Variants in KIAA1549L observed in about 807,000 individuals in gnomAD.
KIAA1549L encodes the protein UPF0606 protein KIAA1549L.
In KIAA1549L, 88 loss-of-function variants were observed where a neutral mutation model predicts 160.7. The ratio of observed to expected loss-of-function variants is 0.55; its 90% CI spans 0.46 to 0.65. The LOEUF is 0.65. KIAA1549L is among the 30% of genes least tolerant of loss of function. KIAA1549L has a pLI of 0.00. For synonymous variants in KIAA1549L, 950 were observed against 976.7 expected, an observed-to-expected ratio of 0.97 and a Z score of 0.51; for missense variants, 2,258 against 2,437.5, an observed-to-expected ratio of 0.93 and a Z score of 1.55.
chr11:33,607,350 A>G (rs1365644819), intron 14 of KIAA1549L, among the ~76,000 whole-genome samples: 1 of 152,348 alleles, frequency 6.6e-6, no homozygotes, highest in East Asian at 1.9e-4. Context: ...TCATGATGTT[A>G]GTCAACTTTC....
chr11:33,475,214 G>T (rs1380825039), intron 1 of KIAA1549L, among the ~76,000 whole-genome samples: 1 of 152,132 alleles, frequency 6.6e-6, no homozygotes. Context: ...AGAAGCTGGA[G>T]GTAGTTTTGC....
chr11:33,537,623 T>C (rs957984702), intron 1 of KIAA1549L, among the ~76,000 whole-genome samples: 1 of 152,234 alleles, frequency 6.6e-6, no homozygotes, highest in Admixed American at 6.5e-5. Flanking sequence ...AATCTCTCTC[T>C]TTATACCTTC....
At chr11:33,387,602 G>T (rs1001062939) in intron 1 of KIAA1549L, among the ~76,000 whole-genome samples, 2 of 151,696 alleles carry the variant, frequency 1.3e-5, no homozygotes, top group African/African-American at 4.9e-5. Flanking sequence ...TATCATTCCT[G>T]GCCCATTTTC....
intron 16 of KIAA1549L, among the ~76,000 whole-genome samples, chr11:33,622,974 G>T (rs1314897531): frequency 6.6e-6 from 1 of 152,202 alleles, no homozygotes; most frequent in Non-Finnish European, 1.5e-5. Flanking sequence ...GGAGATGAAG[G>T]AATTGAAACG....
intron 16 of KIAA1549L, among the ~76,000 whole-genome samples, chr11:33,639,046 C>G (rs542265822): frequency 1.3e-5 from 2 of 152,242 alleles, no homozygotes; most frequent in African/African-American, 4.8e-5. Flanking sequence ...TGGTTGGTAG[C>G]TTGTCTTTCC....
intron 1 of KIAA1549L, among the ~76,000 whole-genome samples, chr11:33,477,130 T>C (rs1852302847): frequency 6.6e-6 from 1 of 152,148 alleles, no homozygotes; most frequent in African/African-American, 2.4e-5. Context: ...AAGAAGGTTG[T>C]TATTCAGTAG....
chr11:33,545,153 A>C lies in KIAA1549L; in HGVS notation c.3160A>C (p.Asn1054His). The C allele has an allele frequency of 6.2e-7, 1 of 1,613,892 alleles. No homozygotes were observed. The highest frequency in any genetic ancestry group is 8.5e-7 in the Non-Finnish European group (1 of 1,179,872). Reference sequence around the variant, plus strand: ...ACAAGCCATGCACACCGGCCTCCCAAACCCCACCAACCTGGAGATGCCCAG... The same window carrying C: ...ACAAGCCATGCACACCGGCCTCCCACACCCCACCAACCTGGAGATGCCCAG... ...KPQAMHTGLP[N>H]PTNLEMPRAS... The change falls in exon 3 of 21, where the codon AAC becomes CAC. Residue 1054 changes from asparagine (N) to histidine (H), a missense_variant. Physicochemically the swap from Asn to His is moderately conservative, Grantham distance 68. Transcript: ENST00000658780.
chr11:33,636,147 C>T lies in KIAA1549L; in HGVS notation c.5410-9539C>T, dbSNP rs999378733. On this transcript the variant is annotated intron_variant, in intron 16 of 20. Transcript: ENST00000658780. ...CAGTGGTTATTCAGACAACCACTGTCGCAGCATGCCAGTGCTTGTGTTCAG... is the reference window on the plus strand; with the variant it reads ...CAGTGGTTATTCAGACAACCACTGTTGCAGCATGCCAGTGCTTGTGTTCAG... 7.2e-5 allele frequency among the ~76,000 whole-genome samples: 11 copies of T among 152,144 alleles called. No individual in the cohort carries two copies. The East Asian group carries it at 7.7e-4, about 11-fold the overall frequency.
chr11:33,650,748 A>C (rs1851860903), intron 17 of KIAA1549L, among the ~76,000 whole-genome samples: 1 of 152,068 alleles, frequency 6.6e-6, no homozygotes, highest in Admixed American at 6.6e-5. Context: ...ACACGTGCAC[A>C]CACACGCACC....
chr11:33,531,555 C>T (rs1249647940), intron 1 of KIAA1549L, among the ~76,000 whole-genome samples: 1 of 152,156 alleles, frequency 6.6e-6, no homozygotes, highest in East Asian at 1.9e-4. Context: ...AGATTACCAA[C>T]AAACTTTTTT....
At chr11:33,581,528 G>A (rs1855645173) in intron 10 of KIAA1549L, among the ~76,000 whole-genome samples, 1 of 151,844 alleles carries the variant, frequency 6.6e-6, no homozygotes, top group Non-Finnish European at 1.5e-5. Context: ...TCATAGAAAC[G>A]TTTGACCTCT....
chr11:33,603,162 T>C (rs1166547067), intron 13 of KIAA1549L, among the ~76,000 whole-genome samples: 1 of 151,734 alleles, frequency 6.6e-6, no homozygotes, highest in Non-Finnish European at 1.5e-5. Context: ...CATTCATTTC[T>C]TCACTCACAA....
intron 16 of KIAA1549L, among the ~76,000 whole-genome samples, chr11:33,644,607 G>A (rs538297664): frequency 3.5e-4 from 54 of 152,346 alleles, no homozygotes; most frequent in African/African-American, 1.1e-3. Flanking sequence ...AAAAGCCTTT[G>A]AGGCAGTATT....
intron 1 of KIAA1549L, among the ~76,000 whole-genome samples, chr11:33,459,939 C>T (rs1374376626): frequency 4.3e-5 from 5 of 117,148 alleles, no homozygotes; most frequent in African/African-American, 1.1e-4. Context: ...CCAGCCTGGG[C>T]GACAGAGCGA....
intron 16 of KIAA1549L, among the ~76,000 whole-genome samples, chr11:33,637,041 G>T (rs1454574531): frequency 6.6e-6 from 1 of 152,158 alleles, no homozygotes; most frequent in Non-Finnish European, 1.5e-5. Context: ...TAAAATGCTT[G>T]CCCCAGGGGA....
At chr11:33,538,146 G>A (rs1430634741) in intron 1 of KIAA1549L, among the ~76,000 whole-genome samples, 1 of 152,160 alleles carries the variant, frequency 6.6e-6, no homozygotes, top group African/African-American at 2.4e-5. Context: ...TGAGTGAAGT[G>A]GGGAGAGCCC....
intron 12 of KIAA1549L, 45 bp from the exon 13 acceptor site, chr11:33,598,775 C>T: frequency 6.2e-7 from 1 of 1,610,816 alleles, no homozygotes; most frequent in South Asian, 1.1e-5. Flanking sequence ...GGCGGCTGCT[C>T]TAGTTGAAAC....
rs754645990 is a variant in KIAA1549L, at chr11:33,667,894, G to A, written c.6181G>A (p.Glu2061Lys). The A allele has an allele frequency of 1.9e-5, 31 of 1,612,416 alleles. No individual in the cohort carries two copies. In the South Asian group the frequency reaches 2.5e-4, roughly 13 times the overall value. Residue 2061 changes from glutamate to lysine, a missense_variant, in exon 21 of 21, where the codon GAG becomes AAG. By Grantham distance (56) the Glu-to-Lys change is moderately conservative. Coordinates refer to ENST00000658780, the MANE Select transcript of KIAA1549L (RefSeq NM_012194.3). The stretch of plus-strand genomic sequence containing the variant: ...GCAGGTGCCCCTCCCAGGGTACATC[G>A]AGGCCTACCCCCGATCACGGTACCC... The part of the protein sequence containing the change: ...ADSVPLPGYI[E>K]AYPRSRYPQS...
At chr11:33,609,654 A>G (rs977052787) in intron 14 of KIAA1549L, 95 bp from the exon 15 acceptor site, 2 of 996,896 alleles carry the variant, frequency 2.0e-6, no homozygotes, top group Non-Finnish European at 3.1e-6. Context: ...GATGCCTGTG[A>G]TGGCTTTTTT....
Sources: allele counts gnomAD v4.1 joint callset (sites outside exome capture counted in the v4.1 genomes callset), GRCh38; gene constraint gnomAD v4.1.1; transcripts MANE v1.5; gene names NCBI Gene and HGNC (gene_info 2026-07-23, HGNC 2026-07-21).